SLC38A11: variants seen among roughly 807,000 people sequenced by gnomAD.
SLC38A11 encodes the protein putative sodium-coupled neutral amino acid transporter 11.
SLC38A11 carries 51 observed loss-of-function variants against 49.4 expected under a neutral mutation model. The observed-to-expected ratio is 1.03, with a 90% CI of 0.83 to 1.30. The LOEUF is 1.30. Among genes scored for constraint, SLC38A11 ranks in the 50% most tolerant of loss-of-function variants. SLC38A11 has a pLI of 0.00. For missense variants in SLC38A11, 574 were observed against 556.2 expected (o/e 1.03, Z -0.32); for synonymous variants, 203 against 192.9 (o/e 1.05, Z -0.43).
rs750595567 is a variant in SLC38A11 at position 164,952,784 on chromosome 2, G to GA, written c.155-4dup. 2.3e-5 allele frequency: 37 copies of GA among 1,592,034 alleles called. No homozygotes were observed. The highest frequency in any genetic ancestry group is 2.3e-5 in the Non-Finnish European group (27 of 1,174,284). On this transcript the variant is annotated splice_region_variant and splice_polypyrimidine_tract_variant and intron_variant, in intron 2 of 11. Transcript: ENST00000685975. ...TTGCTTCATTGAATAAGGCAATCCT[G>GA]AAAAAACATAAAATGCCCCACCCTT...
At chr2:164,919,388 A>G (rs1250090531) in intron 7 of SLC38A11, among the ~76,000 whole-genome samples, 1 of 150,012 alleles carries the variant, frequency 6.7e-6, no homozygotes, top group Non-Finnish European at 1.5e-5. Flanking sequence ...TTAAAACTCA[A>G]AAAAACCCCA....
intron 7 of SLC38A11, 94 bp downstream of exon 7, chr2:164,937,256 A>C: frequency 1.2e-6 from 1 of 812,784 alleles, no homozygotes; most frequent in Non-Finnish European, 2.0e-6. Flanking sequence ...TGTTTCTGAT[A>C]CCATGGTTAC....
intron 11 of SLC38A11, among the ~76,000 whole-genome samples, chr2:164,903,186 GTGTGTGTGTGTGTGTGTATGTGTC>G (rs1371902199): frequency 2.0e-4 from 3 of 14,702 alleles, no homozygotes; most frequent in African/African-American, 2.2e-4. Flanking sequence ...AAATACAAAT[GTGTGTGTGTGTGTGTGTATGTGTC>G]TGTGTGTGTT....
intron 7 of SLC38A11, among the ~76,000 whole-genome samples, chr2:164,934,100 G>A (rs1432383265): frequency 6.6e-6 from 1 of 151,976 alleles, no homozygotes; most frequent in African/African-American, 2.4e-5. Context: ...GAAGTGGACT[G>A]CCCTTCCTTT....
chr2:164,898,268 A>G lies in SLC38A11; in HGVS notation c.*169T>C, dbSNP rs1684431986. ...ATTTTGTTCCAGTTAAAGGTGAAAT[A>G]CATTCAATTTTTCTTTTCTTTATCT... On this transcript the variant is annotated 3_prime_UTR_variant, in exon 12 of 12. Coordinates refer to ENST00000685975, the MANE Select transcript of SLC38A11 (RefSeq NM_001351537.2). 2 of 569,736 alleles carry G rather than the reference A, an allele frequency of 3.5e-6. No homozygotes were observed. The highest frequency in any genetic ancestry group is 1.9e-5 in the African/African-American group (1 of 53,092). 35.3% of individuals were successfully genotyped at this position (569,736 alleles called of 1,614,324 possible). A position where few individuals can be genotyped will look rare whatever the true frequency, so the allele number is the denominator to read the frequency against.
intron 7 of SLC38A11, among the ~76,000 whole-genome samples, chr2:164,932,807 C>T (rs558652884): frequency 7.9e-5 from 12 of 151,944 alleles, no homozygotes; most frequent in South Asian, 2.1e-4. Flanking sequence ...ACTTAGGTGA[C>T]GAAATAATCG....
chr2:164,930,592 T>C (rs1686931306), intron 7 of SLC38A11, among the ~76,000 whole-genome samples: 1 of 152,214 alleles, frequency 6.6e-6, no homozygotes, highest in Non-Finnish European at 1.5e-5. Flanking sequence ...GATGCAAGGT[T>C]GGTTCAATAT....
chr2:164,943,563 A>G (rs768418798), intron 5 of SLC38A11, among the ~76,000 whole-genome samples: 1 of 152,196 alleles, frequency 6.6e-6, no homozygotes, highest in Non-Finnish European at 1.5e-5. Flanking sequence ...AGGGAGAGAA[A>G]TCTCATCAGG....
At chr2:164,925,193 C>A (rs536458229) in intron 7 of SLC38A11, among the ~76,000 whole-genome samples, 1 of 152,276 alleles carries the variant, frequency 6.6e-6, no homozygotes, top group African/African-American at 2.4e-5. Context: ...TCTAATTCCT[C>A]TGTTAATGCT....
chr2:164,899,505 G>T (rs1049262666), intron 11 of SLC38A11, among the ~76,000 whole-genome samples: 1 of 151,990 alleles, frequency 6.6e-6, no homozygotes, highest in Non-Finnish European at 1.5e-5. Context: ...GGACTAATTC[G>T]CAATAGAAAC....
chr2:164,908,661 G>C lies in SLC38A11; in HGVS notation c.1074C>G (p.Leu358=), dbSNP rs147887551. Residue 358 remains leucine, a synonymous_variant, in exon 11 of 12, where the codon CTC becomes CTG. Coordinates refer to ENST00000685975, the MANE Select transcript of SLC38A11 (RefSeq NM_001351537.2). ...TCACATTGAGTTCTAGAACTATCCC[G>C]AGGCAATCAATCAGCAATGACACAA... ...ATLVSLLIDC[L]GIVLELNGVL... is the part of the protein sequence containing the mutation. 6.2e-7 allele frequency: 1 copy of C among 1,602,176 alleles called. No individual in the cohort carries two copies.
intron 3 of SLC38A11, among the ~76,000 whole-genome samples, chr2:164,949,658 A>G (rs965685543): frequency 1.3e-5 from 2 of 152,234 alleles, no homozygotes; most frequent in Admixed American, 6.5e-5. Flanking sequence ...TTCACAAAAA[A>G]GTTGAATAAT....
Position 164,908,777 on chromosome 2 carries a change from G to A in SLC38A11, c.964-6C>T, listed in dbSNP as rs201615252. 88 of 1,603,708 alleles carry A rather than the reference G, an allele frequency of 5.5e-5. No individual in the cohort carries two copies. The highest frequency in any genetic ancestry group is 1.2e-4 in the Admixed American group (7 of 58,512). ...AAAAACACATTGGCAATTACCTGCC[G>A]AATAAACAGATTATTTTGAGAGGGA... On this transcript the variant is annotated splice_region_variant and splice_polypyrimidine_tract_variant and intron_variant, in intron 10 of 11. Transcript: ENST00000685975.
chr2:164,898,159 G>A lies in SLC38A11; in HGVS notation c.*278C>T. ...ATACTGGTTTGCATATTAAATAAAA[G>A]GGGGATGGCAGAAAATGCTAAAGGC... On this transcript the variant is annotated 3_prime_UTR_variant, in exon 12 of 12. Coordinates refer to ENST00000685975, the MANE Select transcript of SLC38A11 (RefSeq NM_001351537.2). 1 of 197,084 alleles carries A rather than the reference G, an allele frequency of 5.1e-6. No individual in the cohort carries two copies. The allele number at this position is 197,084 out of a possible 1,614,324, so 12.2% of individuals were successfully genotyped here.
At chr2:164,900,209 A>G (rs1559082522) in intron 11 of SLC38A11, among the ~76,000 whole-genome samples, 1 of 152,094 alleles carries the variant, frequency 6.6e-6, no homozygotes. Flanking sequence ...ATCAATGAAC[A>G]CTGAGGTTGT....
At chr2:164,922,170 A>C (rs1208785587) in intron 7 of SLC38A11, 6 of 152,188 alleles carry the variant, frequency 3.9e-5, no homozygotes, top group Admixed American at 3.9e-4. Flanking sequence ...TCAGAACTTA[A>C]ACCTCTGGAT....
Position 164,915,955 on chromosome 2 carries a change from A to G in SLC38A11, c.636T>C (p.Ala212=). Residue 212 remains alanine (A), a synonymous_variant, in exon 8 of 12, where the codon GCT becomes GCC. Coordinates refer to ENST00000685975, the MANE Select transcript of SLC38A11 (RefSeq NM_001351537.2). The part of the protein sequence containing the change: ...LGPHIPKTED[A]WVFAKPNAIQ... ...TGGCATTGGGCTTTGCAAATACCCA[A>G]GCGTCTTCTGTTTTTGGTCTAGAAG... 1.9e-6 allele frequency: 3 copies of G among 1,594,456 alleles called. No individual in the cohort carries two copies. The highest frequency in any genetic ancestry group is 2.6e-6 in the Non-Finnish European group (3 of 1,165,482).
chr2:164,940,789 AT>A (rs1420849364), intron 5 of SLC38A11, among the ~76,000 whole-genome samples: 1 of 151,220 alleles, frequency 6.6e-6, no homozygotes, highest in Non-Finnish European at 1.5e-5. Context: ...TATATTATAT[AT>A]GTGGAATGGA....
intron 11 of SLC38A11, among the ~76,000 whole-genome samples, chr2:164,902,878 T>A (rs1424817677): frequency 6.6e-6 from 1 of 152,126 alleles, no homozygotes; most frequent in Non-Finnish European, 1.5e-5. Flanking sequence ...GAGAAAATAC[T>A]TAAAAATACC....
Sources: allele counts gnomAD v4.1 joint callset (sites outside exome capture counted in the v4.1 genomes callset), GRCh38; gene constraint gnomAD v4.1.1; transcripts MANE v1.5; gene names NCBI Gene and HGNC (gene_info 2026-07-23, HGNC 2026-07-21).